The following SHANK2 variants were observed in gnomAD, a reference collection of about 807,000 sequenced individuals.
SHANK2 encodes the protein SH3 and multiple ankyrin repeat domains protein 2.
SHANK2 carries 43 observed loss-of-function variants against 133.7 expected under a neutral mutation model. That is an observed-to-expected ratio of 0.32 (90% CI 0.25 to 0.41). The LOEUF is 0.41. SHANK2 is among the 10% of genes least tolerant of loss of function. The pLI, the probability that SHANK2 is intolerant of heterozygous loss-of-function variation, is 1.00. For missense variants in SHANK2, 1,994 were observed against 2,235.8 expected, an observed-to-expected ratio of 0.89 and a Z score of 2.18; for synonymous variants, 1,017 against 952.8, an observed-to-expected ratio of 1.07 and a Z score of -1.24.
In SHANK2 at chr11:70,882,274, C is replaced by T. The variant is rs1471851057; in HGVS notation, c.1174+14227G>A. On this transcript the variant is annotated intron_variant, in intron 11 of 25. Coordinates refer to ENST00000601538, the MANE Select transcript of SHANK2 (RefSeq NM_012309.5). This position sits in a 1 kb window ranked among gnomAD's most constrained non-coding sequence, Gnocchi z 4.2. ...TGCTCGGCCCATTCACCAAGTGTTTCCAGGCCTGGTGAGCTCCGGGGTGGG... is the reference window on the plus strand; with the variant it reads ...TGCTCGGCCCATTCACCAAGTGTTTTCAGGCCTGGTGAGCTCCGGGGTGGG... Among the ~76,000 whole-genome samples, 1 of 152,096 alleles carries T rather than the reference C, an allele frequency of 6.6e-6. No homozygotes were observed. Among genetic ancestry groups the T allele is most frequent in the Non-Finnish European group, 1.5e-5 (1 of 68,012 alleles).
intron 11 of SHANK2, among the ~76,000 whole-genome samples, chr11:70,854,072 C>T (rs562766480): frequency 2.6e-5 from 4 of 152,294 alleles, no homozygotes; most frequent in African/African-American, 7.2e-5. Flanking sequence ...AGAAGAAAGA[C>T]CCTGCAGTGT....
chr11:70,671,427 A>G (rs1555016040), intron 15 of SHANK2, among the ~76,000 whole-genome samples: 1 of 152,142 alleles, frequency 6.6e-6, no homozygotes, highest in Non-Finnish European at 1.5e-5. Context: ...ACAGATGTCA[A>G]CCACAGCCTG....
At chr11:70,838,225 C>G (rs1555060580) in intron 11 of SHANK2, among the ~76,000 whole-genome samples, 1 of 152,064 alleles carries the variant, frequency 6.6e-6, no homozygotes, top group East Asian at 1.9e-4. Context: ...AACAGAAGAC[C>G]CCGCACAAAG....
At chr11:70,810,295 C>T (rs1168777737) in intron 12 of SHANK2, among the ~76,000 whole-genome samples, 2 of 152,230 alleles carry the variant, frequency 1.3e-5, no homozygotes, top group East Asian at 1.9e-4. Context: ...GCCATCTGCA[C>T]GTGTACCAGC....
intron 11 of SHANK2, among the ~76,000 whole-genome samples, chr11:70,841,070 C>T (rs1275241432): frequency 2.0e-5 from 3 of 152,074 alleles, no homozygotes; most frequent in Non-Finnish European, 4.4e-5. Flanking sequence ...CAAGACCAGC[C>T]TGGCCAACAT....
chr11:70,667,575 C>T (rs1944701560), intron 15 of SHANK2, among the ~76,000 whole-genome samples: 1 of 152,194 alleles, frequency 6.6e-6, no homozygotes, highest in East Asian at 1.9e-4. Context: ...GGCGCCATGA[C>T]AGACTCACAG....
At chr11:70,758,977 GGT>G (rs1342894850) in intron 14 of SHANK2, among the ~76,000 whole-genome samples, 1 of 150,618 alleles carries the variant, frequency 6.6e-6, no homozygotes, top group East Asian at 2.0e-4. Flanking sequence ...TGGCCAACAT[GGT>G]GAAACTCTGT....
At chr11:71,098,129 GTACATGCCTGTGTGCA>G (rs1210662478) in intron 6 of SHANK2, among the ~76,000 whole-genome samples, 4 of 150,718 alleles carry the variant, frequency 2.7e-5, no homozygotes, top group Admixed American at 2.6e-4. Flanking sequence ...GTATGTATGT[GTACATGCCTGTGTGCA>G]TGCATGCCTG....
chr11:71,229,009 T>C lies in SHANK2; in HGVS notation c.-112-4213A>G, dbSNP rs185168010. Among the ~76,000 whole-genome samples the C allele has an allele frequency of 6.3e-4, 96 of 152,240 alleles. 1 individual carries two copies. Among genetic ancestry groups the C allele is most frequent in the East Asian group, 5.6e-3 (29 of 5,174 alleles). On this transcript the variant is annotated intron_variant, in intron 1 of 25. Transcript: ENST00000601538. ...CAGAAAAAAAGATCATATCAATCAATGCAGAAAAAGCATTTAACAAAATTC... is the reference window on the plus strand; with the variant it reads ...CAGAAAAAAAGATCATATCAATCAACGCAGAAAAAGCATTTAACAAAATTC...
chr11:70,485,695 T>C lies in SHANK2; in HGVS notation c.4598A>G (p.Tyr1533Cys). Residue 1533 changes from tyrosine to cysteine, a missense_variant, in exon 25 of 26, where the codon TAT becomes TGT. Tyr to Cys is a radical substitution (Grantham distance 194, BLOSUM62 -2). Around this residue, in one of 5 missense-constraint regions of SHANK2, gnomAD observed 797 missense variants for 907.4 expected, o/e 0.88. Coordinates refer to ENST00000601538, the MANE Select transcript of SHANK2 (RefSeq NM_012309.5). This position sits in a 1 kb window ranked among gnomAD's most constrained non-coding sequence, Gnocchi z 5.8. ...GGENVDTCTV[Y>C]ADGQAFMVDK... ...AACCATAAATGCTTGCCCATCTGCA[T>C]AGACTGTGCAGGTGTCCACATTCTC... The C allele has an allele frequency of 6.2e-7, 1 of 1,614,076 alleles. No individual in the cohort carries two copies. Among genetic ancestry groups the C allele is most frequent in the Non-Finnish European group, 8.5e-7 (1 of 1,179,996 alleles).
At chr11:70,744,162 C>T (rs1946590540) in intron 14 of SHANK2, among the ~76,000 whole-genome samples, 1 of 152,246 alleles carries the variant, frequency 6.6e-6, no homozygotes, top group South Asian at 2.1e-4. Context: ...CACAGGGCCC[C>T]AGAGCCACAT....
intron 14 of SHANK2, among the ~76,000 whole-genome samples, chr11:70,784,822 C>T (rs1276094256): frequency 3.9e-5 from 6 of 152,130 alleles, no homozygotes; most frequent in South Asian, 2.1e-4. Context: ...CCTTCAGCCC[C>T]GGGGCCAGGG....
At chr11:70,683,231 G>A (rs193183282) in intron 15 of SHANK2, among the ~76,000 whole-genome samples, 121 of 152,056 alleles carry the variant, frequency 8.0e-4, no homozygotes, top group African/African-American at 2.8e-3. Context: ...TCCCACCTTG[G>A]CCTCCTGAAG....
chr11:70,777,227 C>T (rs1947384923), intron 14 of SHANK2, among the ~76,000 whole-genome samples: 1 of 152,016 alleles, frequency 6.6e-6, no homozygotes, highest in African/African-American at 2.4e-5. Flanking sequence ...ATCCATCTAT[C>T]CTCCCAGCTA....
chr11:70,632,267 G>A (rs2061002532), intron 17 of SHANK2, among the ~76,000 whole-genome samples: 1 of 151,794 alleles, frequency 6.6e-6, no homozygotes, highest in Non-Finnish European at 1.5e-5. Context: ...GACTACAGGT[G>A]CCCACCATCA....
intron 2 of SHANK2, among the ~76,000 whole-genome samples, chr11:71,152,271 C>A (rs1456004551): frequency 6.6e-6 from 1 of 152,132 alleles, no homozygotes; most frequent in Admixed American, 6.5e-5. Context: ...TGCCACCATG[C>A]CTTGCGAATT....
intron 17 of SHANK2, among the ~76,000 whole-genome samples, chr11:70,625,597 C>G (rs901962348): frequency 2.6e-5 from 4 of 151,936 alleles, no homozygotes; most frequent in African/African-American, 9.7e-5. Flanking sequence ...ACCCAGACCT[C>G]CCTCCCTCCA....
At chr11:70,636,652 T>G (rs2061098447) in intron 17 of SHANK2, among the ~76,000 whole-genome samples, 1 of 151,720 alleles carries the variant, frequency 6.6e-6, no homozygotes, top group East Asian at 1.9e-4. Context: ...TGTGAGCATA[T>G]GAATATATGT....
At chr11:70,731,426 C>T (rs1324627631) in intron 14 of SHANK2, among the ~76,000 whole-genome samples, 1 of 152,234 alleles carries the variant, frequency 6.6e-6, no homozygotes, top group Non-Finnish European at 1.5e-5. Context: ...TCCCCCATCT[C>T]CTGGCAACCA....
Sources: gnomAD v4.1 joint callset for allele counts (sites outside exome capture counted in the v4.1 genomes callset) on GRCh38, gnomAD v4.1.1 for gene constraint, gnomAD v4.1.1 regional missense constraint, Gnocchi (gnomAD v3.1) non-coding constraint, MANE v1.5 for transcripts, NCBI Gene and HGNC (gene_info 2026-07-23, HGNC 2026-07-21) for gene names.